The following SMURF2 variants were observed in gnomAD, a reference collection of about 807,000 sequenced individuals.
SMURF2 encodes E3 ubiquitin-protein ligase SMURF2.
A neutral mutation model predicts 109.6 loss-of-function variants in SMURF2; 48 were observed. The ratio of observed to expected loss-of-function variants is 0.44; its 90% CI spans 0.35 to 0.56. SMURF2 has a LOEUF of 0.56. SMURF2 is among the 20% of genes least tolerant of loss of function. The pLI is 0.01. For synonymous variants in SMURF2, 288 were observed against 317.1 expected (o/e 0.91, Z 0.97); for missense variants, 575 against 909.0 (o/e 0.63, Z 4.72).
intron 9 of SMURF2, among the ~76,000 whole-genome samples, chr17:64,573,516 A>G (rs1969445541): frequency 6.6e-6 from 1 of 152,150 alleles, no homozygotes; most frequent in Non-Finnish European, 1.5e-5. Context: ...GACTCCTGCT[A>G]CAGAACAGCT....
At chr17:64,568,037 G>C in intron 10 of SMURF2, among the ~76,000 whole-genome samples, 1 of 152,040 alleles carries the variant, frequency 6.6e-6, no homozygotes, top group Non-Finnish European at 1.5e-5. Flanking sequence ...TGTATTTTTA[G>C]TAGAGATGGG....
rs1258202787 is a variant in SMURF2, at chr17:64,651,867, T to G, written c.52+9962A>C. Among the ~76,000 whole-genome samples the G allele has an allele frequency of 2.0e-5, 3 of 152,174 alleles. No homozygotes were observed. In the East Asian group the frequency reaches 5.8e-4, roughly 29 times the overall value. ...AGCCCAGTTCAAGATCGCAGTGAGC[T>G]CTGATTGTGCCACTGCACTGCAGCC... On this transcript the variant is annotated intron_variant, in intron 1 of 18. Coordinates refer to ENST00000262435, the MANE Select transcript of SMURF2 (RefSeq NM_022739.4).
At chr17:64,582,597 ATTTTATTTG>A (rs1311202123) in intron 7 of SMURF2, among the ~76,000 whole-genome samples, 9 of 151,878 alleles carry the variant, frequency 5.9e-5, no homozygotes, top group African/African-American at 1.5e-4. Flanking sequence ...ATTTTATTTT[ATTTTATTTG>A]TTTTATTTTT....
intron 1 of SMURF2, among the ~76,000 whole-genome samples, chr17:64,653,927 G>C (rs891728649): frequency 1.3e-5 from 2 of 152,160 alleles, no homozygotes; most frequent in Middle Eastern, 3.2e-3. Context: ...CTGATACCCA[G>C]CATGAATGGA....
chr17:64,631,281 GGAGAGAGAGAGAGAGAGA>G (rs1468147317), intron 1 of SMURF2, among the ~76,000 whole-genome samples: 5 of 4,410 alleles, frequency 1.1e-3, no homozygotes, highest in African/African-American at 2.9e-3. Context: ...AGGGGGGGGG[GGAGAGAGAGAGAGAGAGA>G]GAGAGAGAGA....
intron 12 of SMURF2, among the ~76,000 whole-genome samples, chr17:64,559,633 T>A (rs1969182717): frequency 6.6e-6 from 1 of 151,324 alleles, no homozygotes; most frequent in African/African-American, 2.4e-5. Context: ...GAGCCAGGCA[T>A]GGTGGCTCGC....
chr17:64,569,748 A>G (rs1969372491), intron 10 of SMURF2, among the ~76,000 whole-genome samples: 1 of 152,232 alleles, frequency 6.6e-6, no homozygotes, highest in African/African-American at 2.4e-5. Flanking sequence ...GTAAAAGACT[A>G]AACTGGCATA....
rs77953789 is a variant in SMURF2, at chr17:64,574,695, T to C, written c.858-2739A>G. Among the ~76,000 whole-genome samples, 879 of 152,346 alleles carry C rather than the reference T, an allele frequency of 5.8e-3. 17 individuals carry two copies. Among genetic ancestry groups the C allele is most frequent in the Admixed American group, 0.041 (622 of 15,296 alleles). On this transcript the variant is annotated intron_variant, in intron 9 of 18. Transcript: ENST00000262435. ...ATAAGAAAAATAATCCCAAGTGTTA[T>C]TTCATAAAATCATCATTCAAAATAC... is the stretch of plus-strand genomic sequence containing the variant.
At chr17:64,616,156 TAA>T (rs1289713628) in intron 1 of SMURF2, among the ~76,000 whole-genome samples, 1 of 152,196 alleles carries the variant, frequency 6.6e-6, no homozygotes, top group Non-Finnish European at 1.5e-5. Flanking sequence ...AATATGCTAT[TAA>T]AAGTCCTTTT....
intron 1 of SMURF2, among the ~76,000 whole-genome samples, chr17:64,642,585 TCA>T (rs797043962): frequency 6.6e-6 from 1 of 152,192 alleles, no homozygotes; most frequent in South Asian, 2.1e-4. Flanking sequence ...CCAAGAATTA[TCA>T]CACATTACCA....
chr17:64,647,465 G>A (rs1028033948), intron 1 of SMURF2, among the ~76,000 whole-genome samples: 11 of 152,248 alleles, frequency 7.2e-5, no homozygotes, highest in Non-Finnish European at 1.3e-4. Context: ...CGGACCTGAG[G>A]TCAGGAGCTT....
chr17:64,622,014 C>T (rs566282308), intron 1 of SMURF2, among the ~76,000 whole-genome samples: 7 of 147,020 alleles, frequency 4.8e-5, no homozygotes, highest in South Asian at 2.1e-4. Context: ...GAGCCATCAT[C>T]GCACCACTGC....
At chr17:64,550,434 G>A (rs1969025679) in intron 16 of SMURF2, among the ~76,000 whole-genome samples, 1 of 152,138 alleles carries the variant, frequency 6.6e-6, no homozygotes, top group South Asian at 2.1e-4. Flanking sequence ...TTAAGGGCCA[G>A]CTTTAAAAGG....
intron 1 of SMURF2, among the ~76,000 whole-genome samples, chr17:64,638,538 ACAGGAACAT>A (rs1244707926): frequency 2.6e-5 from 4 of 152,368 alleles, no homozygotes; most frequent in Non-Finnish European, 5.9e-5. Flanking sequence ...TTCTTTTAGC[ACAGGAACAT>A]CATCAATAAA....
Position 64,618,073 on chromosome 17 carries a change from T to G in SMURF2, c.53-11433A>C, listed in dbSNP as rs1435703633. 2.0e-5 allele frequency among the ~76,000 whole-genome samples: 3 copies of G among 152,178 alleles called. No homozygotes were observed. The East Asian group carries it at 5.8e-4, about 29-fold the overall frequency. ...TTTTTTTACTTATCGTGATCAGAGG[T>G]AATTTTAAAGTAAAGCTTATCTTAA... On this transcript the variant is annotated intron_variant, in intron 1 of 18. Coordinates refer to ENST00000262435, the MANE Select transcript of SMURF2 (RefSeq NM_022739.4).
At chr17:64,634,629 A>G (rs577251741) in intron 1 of SMURF2, among the ~76,000 whole-genome samples, 1 of 152,222 alleles carries the variant, frequency 6.6e-6, no homozygotes, top group Non-Finnish European at 1.5e-5. Context: ...ATTTCCCTGA[A>G]GTTTTTTTAT....
Position 64,557,634 on chromosome 17 carries a change from T to C in SMURF2, c.1405A>G (p.Ile469Val), listed in dbSNP as rs372100026. The change falls in exon 13 of 19, where the codon ATC becomes GTC. Residue 469 changes from isoleucine (I) to valine (V), a missense_variant. By Grantham distance (29) the Ile-to-Val change is conservative. Transcript: ENST00000262435. ...YSRDDIYTLQ[I>V]NPDSAVNPEH... is the part of the protein sequence containing the mutation. ...GGATTAACTGCAGAATCAGGATTGATCTGCAATGTATAAATATCATCTCTT... is the reference window on the plus strand; with the variant it reads ...GGATTAACTGCAGAATCAGGATTGACCTGCAATGTATAAATATCATCTCTT... 5 of 1,607,460 alleles carry C rather than the reference T, an allele frequency of 3.1e-6. No individual in the cohort carries two copies. The highest frequency in any genetic ancestry group is 1.7e-5 in the Admixed American group (1 of 59,530).
chr17:64,623,701 T>C (rs1970232937), intron 1 of SMURF2, among the ~76,000 whole-genome samples: 1 of 152,244 alleles, frequency 6.6e-6, no homozygotes. Context: ...AATTACCATT[T>C]TTAACTTGCT....
chr17:64,563,844 G>C (rs1223812197), intron 10 of SMURF2, among the ~76,000 whole-genome samples: 2 of 152,156 alleles, frequency 1.3e-5, no homozygotes, highest in Admixed American at 1.3e-4. Flanking sequence ...CCTGGTTCAA[G>C]TGATCCTCCT....
Sources: allele counts gnomAD v4.1 joint callset (sites outside exome capture counted in the v4.1 genomes callset), GRCh38; gene constraint gnomAD v4.1.1; transcripts MANE v1.5; gene names NCBI Gene and HGNC (gene_info 2026-07-23, HGNC 2026-07-21).